Variants in PLA2G4A observed in about 807,000 individuals in gnomAD.
PLA2G4A encodes cytosolic phospholipase A2.
Under a neutral mutation model 81.9 loss-of-function variants are expected in PLA2G4A, and 40 were observed. The ratio of observed to expected loss-of-function variants is 0.49; its 90% CI spans 0.38 to 0.64. PLA2G4A has a LOEUF of 0.64. PLA2G4A is among the 30% of genes least tolerant of loss of function. PLA2G4A has a pLI of 0.00. For missense variants in PLA2G4A, 715 were observed against 905.1 expected (o/e 0.79, Z 2.69); for synonymous variants, 302 against 296.9 (o/e 1.02, Z -0.18).
intron 3 of PLA2G4A, among the ~76,000 whole-genome samples, chr1:186,880,194 G>C (rs1653677048): frequency 6.6e-6 from 1 of 151,992 alleles, no homozygotes; most frequent in Admixed American, 6.6e-5. Context: ...TTGGAAAAAT[G>C]CTGCCAATAA....
At chr1:186,900,372 A>T (rs1654493732) in intron 5 of PLA2G4A, among the ~76,000 whole-genome samples, 1 of 152,242 alleles carries the variant, frequency 6.6e-6, no homozygotes, top group African/African-American at 2.4e-5. Context: ...AGCACTAAAT[A>T]AATATTAAAT....
intron 5 of PLA2G4A, among the ~76,000 whole-genome samples, chr1:186,897,070 T>A (rs977589213): frequency 2.0e-5 from 3 of 152,178 alleles, no homozygotes; most frequent in African/African-American, 7.2e-5. Context: ...TGAAGATGGT[T>A]ATGGCAACAC....
chr1:186,839,265 G>A (rs147686085), intron 1 of PLA2G4A, among the ~76,000 whole-genome samples: 1 of 152,286 alleles, frequency 6.6e-6, no homozygotes, highest in Non-Finnish European at 1.5e-5. Context: ...GTTTCTGGCT[G>A]TGCCCTTCAT....
At chr1:186,958,050 T>C (rs1490770371) in intron 14 of PLA2G4A, among the ~76,000 whole-genome samples, 1 of 152,218 alleles carries the variant, frequency 6.6e-6, no homozygotes, top group Non-Finnish European at 1.5e-5. Context: ...ATTTTGTTGT[T>C]GTTTTGGTAT....
At chr1:186,892,307 C>T (rs1461030592) in intron 3 of PLA2G4A, among the ~76,000 whole-genome samples, 2 of 152,052 alleles carry the variant, frequency 1.3e-5, no homozygotes, top group African/African-American at 2.4e-5. Flanking sequence ...GATGTGATCC[C>T]ATTTGCCCAT....
At chr1:186,962,433 T>A (rs1656982373) in intron 14 of PLA2G4A, among the ~76,000 whole-genome samples, 1 of 151,972 alleles carries the variant, frequency 6.6e-6, no homozygotes, top group African/African-American at 2.4e-5. Flanking sequence ...AATGTGGTTT[T>A]AATAACTGAT....
At chr1:186,900,682 G>T (rs1654504605) in intron 5 of PLA2G4A, among the ~76,000 whole-genome samples, 1 of 152,158 alleles carries the variant, frequency 6.6e-6, no homozygotes, top group Non-Finnish European at 1.5e-5. Flanking sequence ...TGTAAGGAAA[G>T]TAGCCCGCTT....
intron 2 of PLA2G4A, among the ~76,000 whole-genome samples, chr1:186,867,249 G>C: frequency 6.6e-6 from 1 of 151,970 alleles, no homozygotes. Flanking sequence ...AATATTTTGT[G>C]ATTTTTATTG....
intron 8 of PLA2G4A, among the ~76,000 whole-genome samples, chr1:186,937,465 A>G (rs572945613): frequency 6.6e-6 from 1 of 152,086 alleles, no homozygotes; most frequent in South Asian, 2.1e-4. Flanking sequence ...TTTCGTGATT[A>G]TACTAAGTTG....
chr1:186,860,087 A>G (rs935941415), intron 2 of PLA2G4A, among the ~76,000 whole-genome samples: 9 of 152,160 alleles, frequency 5.9e-5, no homozygotes, highest in Non-Finnish European at 1.2e-4. Flanking sequence ...AAAAATCTAG[A>G]AAAATGAGGA....
At chr1:186,882,515 T>C (rs1186484333) in intron 3 of PLA2G4A, among the ~76,000 whole-genome samples, 1 of 152,110 alleles carries the variant, frequency 6.6e-6, no homozygotes, top group Non-Finnish European at 1.5e-5. Context: ...ATGTTTGAAA[T>C]GTGTAGATTC....
intron 1 of PLA2G4A, among the ~76,000 whole-genome samples, chr1:186,835,607 A>T (rs888012844): frequency 6.6e-6 from 1 of 152,154 alleles, no homozygotes; most frequent in African/African-American, 2.4e-5. Flanking sequence ...CTTTTCATTC[A>T]ACTGCCATGA....
rs138586661 is a variant in PLA2G4A at position 186,959,632 on chromosome 1, T to G, written c.1579+3288T>G. Among the ~76,000 whole-genome samples, 12 of 152,306 alleles carry G rather than the reference T, an allele frequency of 7.9e-5. No individual in the cohort carries two copies. In the East Asian group the frequency reaches 2.3e-3, roughly 29 times the overall value. Reference sequence around the variant, plus strand: ...TGCTAAAAATAATTTCATTTTAGACTGAATTTACTGAATGAACTAGTGCTT... The same window carrying G: ...TGCTAAAAATAATTTCATTTTAGACGGAATTTACTGAATGAACTAGTGCTT... On this transcript the variant is annotated intron_variant, in intron 14 of 17. Transcript: ENST00000367466.
chr1:186,952,376 T>C (rs1656590031), intron 13 of PLA2G4A, among the ~76,000 whole-genome samples: 2 of 152,166 alleles, frequency 1.3e-5, no homozygotes, highest in South Asian at 4.1e-4. Flanking sequence ...TTTTCGGCTC[T>C]TAGTATTTAT....
chr1:186,946,778 A>G lies in PLA2G4A; in HGVS notation c.1171+4A>G. ...AACCCCTTGCATTTCTTAATGGGTAAGTGATCAAAATAAAAATATATCATT... is the reference window on the plus strand; with the variant it reads ...AACCCCTTGCATTTCTTAATGGGTAGGTGATCAAAATAAAAATATATCATT... On this transcript the variant is annotated splice_donor_region_variant and intron_variant, in intron 11 of 17. Transcript: ENST00000367466. 3.7e-6 allele frequency: 6 copies of G among 1,607,946 alleles called. No individual in the cohort carries two copies. Among genetic ancestry groups the G allele is most frequent in the Non-Finnish European group, 5.1e-6 (6 of 1,174,726 alleles).
At chr1:186,962,433 T>C (rs1656982373) in intron 14 of PLA2G4A, among the ~76,000 whole-genome samples, 1 of 151,972 alleles carries the variant, frequency 6.6e-6, no homozygotes, top group Admixed American at 6.6e-5. Flanking sequence ...AATGTGGTTT[T>C]AATAACTGAT....
intron 14 of PLA2G4A, among the ~76,000 whole-genome samples, chr1:186,959,891 C>T (rs1263572416): frequency 6.7e-6 from 1 of 148,308 alleles, no homozygotes; most frequent in Non-Finnish European, 1.5e-5. Flanking sequence ...AATTTTGCAA[C>T]CCCCATGCCA....
chr1:186,857,167 A>ATAAT (rs1474211798), intron 2 of PLA2G4A, among the ~76,000 whole-genome samples: 5 of 41,492 alleles, frequency 1.2e-4, no homozygotes, highest in East Asian at 1.4e-3. Flanking sequence ...AATATAATAT[A>ATAAT]ATTATATAAT....
rs1000895671 is a variant in PLA2G4A, at chr1:186,977,891, T to C, written c.1960+103T>C. ...GTCACTGCTGTACCAGCTATTACAC[T>C]ATTGAATGCTTCCCTTACCTTGATA... On this transcript the variant is annotated intron_variant, in intron 16 of 17. Coordinates refer to ENST00000367466, the MANE Select transcript of PLA2G4A (RefSeq NM_024420.3). The C allele has an allele frequency of 1.6e-5, 13 of 801,552 alleles. No homozygotes were observed. The African/African-American group carries it at 2.0e-4, about 13-fold the overall frequency. 49.7% of individuals were successfully genotyped at this position (801,552 alleles called of 1,614,324 possible). A position where few individuals can be genotyped will look rare whatever the true frequency, so the allele number is the denominator to read the frequency against.
Sources: gnomAD v4.1 joint callset for allele counts (sites outside exome capture counted in the v4.1 genomes callset) on GRCh38, gnomAD v4.1.1 for gene constraint, MANE v1.5 for transcripts, NCBI Gene and HGNC (gene_info 2026-07-23, HGNC 2026-07-21) for gene names.